HTR1F: variants seen among roughly 807,000 people sequenced by gnomAD.
The protein encoded by HTR1F is 5-hydroxytryptamine receptor 1F, also known as 5-hydroxytryptamine (serotonin) receptor 1F, G protein-coupled.
In HTR1F, 17 loss-of-function variants were observed where a neutral mutation model predicts 24.0. That is an observed-to-expected ratio of 0.71 (90% CI 0.48 to 1.06). The LOEUF (loss-of-function observed/expected upper bound fraction) is 1.06, where lower values mean the gene tolerates loss of function less well. Ranked by LOEUF, HTR1F falls within the 50% of genes least tolerant of loss-of-function variation. The probability of loss-of-function intolerance (pLI) is 0.00; values close to 1 mark genes in which losing one functional copy is unlikely to be tolerated. For missense variants in HTR1F, 391 were observed against 427.8 expected (o/e 0.91, Z 0.76); for synonymous variants, 186 against 156.8 (o/e 1.19, Z -1.39).
chr3:87,977,574 TTTTTTTTTTTTC>T (rs955549010), intron 2 of HTR1F, among the ~76,000 whole-genome samples: 2 of 137,648 alleles, frequency 1.5e-5, no homozygotes, highest in African/African-American at 5.8e-5. Context: ...AATTTTTTTC[TTTTTTTTTTTTC>T]TTTTTTTTTG....
At chr3:87,845,614 C>CTA (rs774939111) in intron 2 of HTR1F, among the ~76,000 whole-genome samples, 3 of 151,150 alleles carry the variant, frequency 2.0e-5, no homozygotes, top group Non-Finnish European at 2.9e-5. Flanking sequence ...ACATTCCATG[C>CTA]TCATGGGTAG....
At chr3:87,929,632 GCT>G (rs1374839324) in intron 2 of HTR1F, among the ~76,000 whole-genome samples, 1 of 152,042 alleles carries the variant, frequency 6.6e-6, no homozygotes, top group Non-Finnish European at 1.5e-5. Flanking sequence ...CTATTTCTGG[GCT>G]CTCTACTCAG....
chr3:87,905,870 T>C (rs1210379579), intron 2 of HTR1F, among the ~76,000 whole-genome samples: 1 of 152,000 alleles, frequency 6.6e-6, no homozygotes, highest in Non-Finnish European at 1.5e-5. Flanking sequence ...ATTTGGGTGA[T>C]AAACTGCAAG....
chr3:87,926,055 A>G (rs1001442504), intron 2 of HTR1F, among the ~76,000 whole-genome samples: 3 of 152,242 alleles, frequency 2.0e-5, no homozygotes, highest in African/African-American at 7.2e-5. Context: ...TCCTAAAAGC[A>G]GATACATTTA....
At chr3:87,854,464 C>T (rs1705157400) in intron 2 of HTR1F, among the ~76,000 whole-genome samples, 2 of 151,644 alleles carry the variant, frequency 1.3e-5, no homozygotes, top group African/African-American at 4.8e-5. Context: ...CTTAGTCTGA[C>T]TTCTTTAATA....
At chr3:87,860,234 T>A (rs1705288154) in intron 2 of HTR1F, among the ~76,000 whole-genome samples, 1 of 152,238 alleles carries the variant, frequency 6.6e-6, no homozygotes, top group Non-Finnish European at 1.5e-5. Flanking sequence ...TAAGTCACTA[T>A]AAAATCAACT....
chr3:87,945,664 T>A (rs1704680895), intron 2 of HTR1F, among the ~76,000 whole-genome samples: 1 of 152,030 alleles, frequency 6.6e-6, no homozygotes, highest in Admixed American at 6.5e-5. Context: ...CCAGAAGGGC[T>A]GGGGGTTGTT....
chr3:87,797,659 G>GAA (rs35725666), intron 1 of HTR1F, among the ~76,000 whole-genome samples: 3 of 150,002 alleles, frequency 2.0e-5, no homozygotes, highest in Admixed American at 6.6e-5. Flanking sequence ...GCATGAATCT[G>GAA]AAAAAAAAAT....
chr3:87,907,200 T>TTTA (rs1703686009), intron 2 of HTR1F, among the ~76,000 whole-genome samples: 1 of 151,524 alleles, frequency 6.6e-6, no homozygotes, highest in African/African-American at 2.4e-5. Flanking sequence ...AACATTTATT[T>TTTA]TTTTTTTTGA....
intron 2 of HTR1F, among the ~76,000 whole-genome samples, chr3:87,866,403 A>G (rs1261425026): frequency 6.6e-6 from 1 of 152,206 alleles, no homozygotes; most frequent in Admixed American, 6.5e-5. Flanking sequence ...TAATGCACCC[A>G]TAAGCAAAGT....
chr3:87,878,113 G>C (rs920906616), intron 2 of HTR1F, among the ~76,000 whole-genome samples: 4 of 152,140 alleles, frequency 2.6e-5, no homozygotes, highest in Non-Finnish European at 5.9e-5. Flanking sequence ...TCTAGGAATT[G>C]GCTCTGAGGT....
chr3:87,896,427 T>C (rs1489540432), intron 2 of HTR1F, among the ~76,000 whole-genome samples: 1 of 152,202 alleles, frequency 6.6e-6, no homozygotes, highest in Admixed American at 6.5e-5. Flanking sequence ...ATAGAACATG[T>C]TGTGTATCTT....
chr3:87,826,657 C>T (rs997199505), intron 2 of HTR1F, among the ~76,000 whole-genome samples: 2 of 152,092 alleles, frequency 1.3e-5, no homozygotes, highest in South Asian at 2.1e-4. Context: ...CAGTGCACTT[C>T]GATAACGTCT....
chr3:87,846,191 G>T (rs1362812281), intron 2 of HTR1F, among the ~76,000 whole-genome samples: 1 of 152,038 alleles, frequency 6.6e-6, no homozygotes, highest in Non-Finnish European at 1.5e-5. Context: ...CCAGCACTTT[G>T]GGAGGCTGAG....
chr3:87,927,066 C>T (rs546275294), intron 2 of HTR1F, among the ~76,000 whole-genome samples: 2 of 152,048 alleles, frequency 1.3e-5, no homozygotes, highest in Non-Finnish European at 2.9e-5. Context: ...AAGCCACAGT[C>T]GAGGCTTTGT....
chr3:87,919,151 T>C (rs1251168776), intron 2 of HTR1F, among the ~76,000 whole-genome samples: 1 of 152,102 alleles, frequency 6.6e-6, no homozygotes, highest in African/African-American at 2.4e-5. Context: ...AAAATGATGC[T>C]GGGATAACTG....
At chr3:87,933,891 T>C (rs6809560) in intron 2 of HTR1F, among the ~76,000 whole-genome samples, 27,234 of 152,130 alleles carry the variant, frequency 0.18, 2,656 homozygotes, top group African/African-American at 0.27. Flanking sequence ...TCTGCCAAGA[T>C]ACTTTCCAGC....
At chr3:87,989,372 G>A (rs574143397) in intron 2 of HTR1F, among the ~76,000 whole-genome samples, 1 of 152,220 alleles carries the variant, frequency 6.6e-6, no homozygotes, top group African/African-American at 2.4e-5. Flanking sequence ...CTTTGGTAAC[G>A]GACTTGTTTG....
chr3:87,867,357 G>GTCTC (rs61549461), intron 2 of HTR1F, among the ~76,000 whole-genome samples: 16 of 149,070 alleles, frequency 1.1e-4, no homozygotes, highest in African/African-American at 3.9e-4. Context: ...TTCTCTTTTT[G>GTCTC]TCTCTCTCTC....
Sources: gnomAD v4.1 joint callset for allele counts (sites outside exome capture counted in the v4.1 genomes callset) on GRCh38, gnomAD v4.1.1 for gene constraint, MANE v1.5 for transcripts, NCBI Gene and HGNC (gene_info 2026-07-23, HGNC 2026-07-21) for gene names.